Variants in ARHGAP45 observed in about 807,000 individuals in gnomAD.
The protein encoded by ARHGAP45 is rho GTPase-activating protein 45.
A neutral mutation model predicts 116.1 loss-of-function variants in ARHGAP45; 56 were observed. The ratio of observed to expected loss-of-function variants is 0.48; its 90% CI spans 0.39 to 0.60. The LOEUF (loss-of-function observed/expected upper bound fraction) is 0.60, where lower values mean the gene tolerates loss of function less well. Ranked by LOEUF, ARHGAP45 falls within the 20% of genes least tolerant of loss-of-function variation. The pLI, the probability that ARHGAP45 is intolerant of heterozygous loss-of-function variation, is 0.00. For missense variants in ARHGAP45, 1,622 were observed against 1,601.0 expected, an observed-to-expected ratio of 1.01 and a Z score of -0.22; for synonymous variants, 866 against 701.7, an observed-to-expected ratio of 1.23 and a Z score of -3.70.
In ARHGAP45 at chr19:1,080,786, G is replaced by C. The variant is rs756437781; in HGVS notation, c.2017G>C (p.Ala673Pro). Residue 673 changes from alanine to proline, a missense_variant and splice_region_variant, in exon 16 of 23, where the codon GCT (alanine) becomes CCT (proline). Coordinates refer to ENST00000313093, the MANE Select transcript of ARHGAP45 (RefSeq NM_012292.5). ...AGCCGGGGCTTCAGCCTTTGAGCAG[G>C]GTGAGGGTCCCCTGACGGGGCTGGA... Reference protein sequence around the residue: ...GGAGASAFEQADLNGMTPELP... With the variant: ...GGAGASAFEQPDLNGMTPELP... 3.1e-6 allele frequency: 5 copies of C among 1,613,276 alleles called. No homozygotes were observed. The South Asian group carries it at 4.4e-5, about 14-fold the overall frequency.
At position 1,079,913 on chromosome 19, in the gene ARHGAP45, C is replaced by G; in HGVS notation, c.1513-15C>G. ...GCCTCCTCCTGACCCCTCCGCTCTC[C>G]GGTGCCGCCCGCAGGCCACGATCTC... On this transcript the variant is annotated splice_polypyrimidine_tract_variant and intron_variant, in intron 12 of 22. Coordinates refer to ENST00000313093, the MANE Select transcript of ARHGAP45 (RefSeq NM_012292.5). 6.2e-7 allele frequency: 1 copy of G among 1,601,568 alleles called. No individual in the cohort carries two copies. The highest frequency in any genetic ancestry group is 8.5e-7 in the Non-Finnish European group (1 of 1,170,938).
Position 1,078,719 on chromosome 19 carries a change from AATT to A in ARHGAP45, c.1374+684_1374+686del, listed in dbSNP as rs1371984418. ...CCACCGCGCCCGGCCCCGATTTTTA[AATT>A]ATTATTATTTTTGAGACAGTGTCTT... On this transcript the variant is annotated intron_variant, in intron 11 of 22. Coordinates refer to ENST00000313093, the MANE Select transcript of ARHGAP45 (RefSeq NM_012292.5). Among the ~76,000 whole-genome samples the A allele has an allele frequency of 1.2e-4, 18 of 146,826 alleles. No homozygotes were observed. The East Asian group carries it at 3.4e-3, about 28-fold the overall frequency.
Position 1,074,422 on chromosome 19 carries a change from G to C in ARHGAP45, c.993+15G>C. On this transcript the variant is annotated intron_variant, in intron 8 of 22. Transcript: ENST00000313093. ...TCATGCAGGAGGTGGGGGCCCCGCGGGCACGGGGCGGGGGTCCCTGGGCCC... is the reference window on the plus strand; with the variant it reads ...TCATGCAGGAGGTGGGGGCCCCGCGCGCACGGGGCGGGGGTCCCTGGGCCC... 1 of 1,520,152 alleles carries C rather than the reference G, an allele frequency of 6.6e-7. No homozygotes were observed. The highest frequency in any genetic ancestry group is 8.8e-7 in the Non-Finnish European group (1 of 1,131,338). 94.2% of individuals were successfully genotyped at this position (1,520,152 alleles called of 1,614,324 possible).
At position 1,086,179 on chromosome 19, in the gene ARHGAP45, A is replaced by G; in HGVS notation, c.*173A>G. ...CCTCCTCCCAGAGGCTTCCAGGAGCACGAGGGCCTTGCGGCACAGGACTGT... is the reference window on the plus strand; with the variant it reads ...CCTCCTCCCAGAGGCTTCCAGGAGCGCGAGGGCCTTGCGGCACAGGACTGT... On this transcript the variant is annotated 3_prime_UTR_variant, in exon 23 of 23. Transcript: ENST00000313093. 1 of 616,576 alleles carries G rather than the reference A, an allele frequency of 1.6e-6. No homozygotes were observed. Among genetic ancestry groups the G allele is most frequent in the South Asian group, 1.9e-5 (1 of 51,658 alleles). 38.2% of individuals were successfully genotyped at this position (616,576 alleles called of 1,614,324 possible).
chr19:1,083,321 G>T lies in ARHGAP45; in HGVS notation c.2923G>T (p.Glu975Ter). Residue 975 changes from glutamate (E) to a stop codon, truncating the protein, a stop_gained, in exon 21 of 23, where the codon GAG becomes TAG. Coordinates refer to ENST00000313093, the MANE Select transcript of ARHGAP45 (RefSeq NM_012292.5). LOFTEE classifies it high-confidence loss of function. ...CATCGTCCACTACGGCCTGGTCTTC[G>T]AGGAGGAGCCGGAGGAGACCCCCGG... ...TLIVHYGLVFEEEPEETPGGQ... is the reference protein window; with the variant it reads ...TLIVHYGLVF 6.4e-7 allele frequency: 1 copy of T among 1,563,004 alleles called. No individual in the cohort carries two copies.
chr19:1,081,068 A>G lies in ARHGAP45; in HGVS notation c.2190+4A>G. 1 of 1,599,798 alleles carries G rather than the reference A, an allele frequency of 6.3e-7. No homozygotes were observed. Among genetic ancestry groups the G allele is most frequent in the Non-Finnish European group, 8.5e-7 (1 of 1,174,116 alleles). On this transcript the variant is annotated splice_donor_region_variant and intron_variant, in intron 17 of 22. Coordinates refer to ENST00000313093, the MANE Select transcript of ARHGAP45 (RefSeq NM_012292.5). ...CCAGGGTGCTGAGTGTGAAGAGGTG[A>G]GTGGGACGCCCCGACGGACAGCTGG...
In ARHGAP45 at chr19:1,085,874, G is replaced by T; in HGVS notation, c.3279G>T (p.Pro1093=). ...REDGDGDEDG[P]AQQLSGFNTN... is the part of the protein sequence containing the mutation. ...ACGGGGACGGGGACGAGGACGGCCCGGCCCAGCAGCTCTCAGGATTCAACA... is the reference window on the plus strand; with the variant it reads ...ACGGGGACGGGGACGAGGACGGCCCTGCCCAGCAGCTCTCAGGATTCAACA... Residue 1093 remains proline, a synonymous_variant, in exon 23 of 23, where the codon CCG becomes CCT. Transcript: ENST00000313093. 6.2e-7 allele frequency: 1 copy of T among 1,610,836 alleles called. No homozygotes were observed. The highest frequency in any genetic ancestry group is 8.5e-7 in the Non-Finnish European group (1 of 1,179,782).
Position 1,086,108 on chromosome 19 carries a change from G to A in ARHGAP45, c.*102G>A. On this transcript the variant is annotated 3_prime_UTR_variant, in exon 23 of 23. Transcript: ENST00000313093. ...GCATAGCTTAGGTGCGCCGTCCTGG[G>A]GTCGCTGCCGAGAGCGCCTGGACTT... 6 of 1,114,314 alleles carry A rather than the reference G, an allele frequency of 5.4e-6. No individual in the cohort carries two copies. The highest frequency in any genetic ancestry group is 5.1e-6 in the Non-Finnish European group (4 of 783,180). The allele number at this position is 1,114,314 out of a possible 1,614,324, so 69.0% of individuals were successfully genotyped here.
rs150488857 is a variant in ARHGAP45 at position 1,084,240 on chromosome 19, C to T, written c.2958C>T (p.Asp986=). Residue 986 remains aspartate (D), a splice_region_variant and synonymous_variant, in exon 22 of 23, where the codon GAC becomes GAT. Transcript: ENST00000313093. The part of the protein sequence containing the change: ...EEPEETPGGQ[D]ESSNQRAEVV... ...TGACTTCCGTTCTGCACTTGCAGGACGAGTCATCCAACCAGCGAGCTGAGG... is the reference window on the plus strand; with the variant it reads ...TGACTTCCGTTCTGCACTTGCAGGATGAGTCATCCAACCAGCGAGCTGAGG... 5.6e-6 allele frequency: 9 copies of T among 1,613,286 alleles called. No individual in the cohort carries two copies. The highest frequency in any genetic ancestry group is 5.3e-5 in the African/African-American group (4 of 74,878).
chr19:1,080,504 G>C lies in ARHGAP45; in HGVS notation c.1869G>C (p.Ser623=). ...AGGTTCACAAGTCATGGCCGCTCTC[G>C]ATCTCAGACTCGGACAGTGGGCTGG... ...GHQVHKSWPL[S]ISDSDSGLDP... Residue 623 remains serine (S), a synonymous_variant, in exon 15 of 23, where the codon TCG becomes TCC. Transcript: ENST00000313093. 6.2e-7 allele frequency: 1 copy of C among 1,612,950 alleles called. No individual in the cohort carries two copies.
chr19:1,072,492 C>A (rs907421869), intron 2 of ARHGAP45, among the ~76,000 whole-genome samples: 2 of 152,118 alleles, frequency 1.3e-5, no homozygotes, highest in African/African-American at 4.8e-5. Flanking sequence ...TGGGCTCAAC[C>A]CGTCCTCCTG....
intron 11 of ARHGAP45, among the ~76,000 whole-genome samples, chr19:1,079,349 C>T (rs932621389): frequency 1.3e-5 from 2 of 150,394 alleles, no homozygotes; most frequent in Non-Finnish European, 3.0e-5. Flanking sequence ...ACTAAAATTA[C>T]AAAAAATTAA....
Position 1,079,097 on chromosome 19 carries a change from A to G in ARHGAP45, c.1375-606A>G, listed in dbSNP as rs560533042. Among the ~76,000 whole-genome samples the G allele has an allele frequency of 1.3e-4, 20 of 151,230 alleles. No homozygotes were observed. The East Asian group carries it at 1.4e-3, about 11-fold the overall frequency. On this transcript the variant is annotated intron_variant, in intron 11 of 22. Coordinates refer to ENST00000313093, the MANE Select transcript of ARHGAP45 (RefSeq NM_012292.5). Reference sequence around the variant, plus strand: ...CGGGAGGCTGAGGCAGGAAAATGGCATGAACCCGGGAGGTGGAGCTTGCAG... The same window carrying G: ...CGGGAGGCTGAGGCAGGAAAATGGCGTGAACCCGGGAGGTGGAGCTTGCAG...
rs769870167 is a variant in ARHGAP45, at chr19:1,067,454, A to C, written c.49A>C (p.Lys17Gln). The C allele has an allele frequency of 1.9e-6, 3 of 1,604,418 alleles. No homozygotes were observed. The highest frequency in any genetic ancestry group is 1.3e-5 in the African/African-American group (1 of 74,550). The change falls in exon 1 of 23, where the codon AAA becomes CAA. Residue 17 changes from lysine (K) to glutamine (Q), a missense_variant. By Grantham distance (53) the Lys-to-Gln change is moderately conservative. Transcript: ENST00000313093. ...RELMKTPSIS[K>Q]KNRAGSPSPQ... ...GCTCATGAAAACCCCTTCCATCTCG[A>C]AAAAGAACCGCGCGGGAAGCCCCAG...
chr19:1,066,457 C>T (rs145933899), upstream of ARHGAP45: 1,626 of 463,598 alleles, frequency 3.5e-3, 12 homozygotes, highest in Middle Eastern at 0.012. Flanking sequence ...GGGACCTTAG[C>T]TAAGGGCAGG....
chr19:1,083,574 C>T (rs747774672), intron 21 of ARHGAP45, among the ~76,000 whole-genome samples: 1 of 152,194 alleles, frequency 6.6e-6, no homozygotes, highest in Non-Finnish European at 1.5e-5. Context: ...CTGCGGCCGC[C>T]CCTCCACTCT....
At chr19:1,084,848 G>A (rs908418420) in intron 22 of ARHGAP45, among the ~76,000 whole-genome samples, 2 of 152,160 alleles carry the variant, frequency 1.3e-5, no homozygotes, top group African/African-American at 4.8e-5. Flanking sequence ...CACTTTGGGA[G>A]GACAAGGCAG....
chr19:1,073,479 C>T (rs1421901943), intron 3 of ARHGAP45, 27 bp from the exon 4 acceptor site: 3 of 1,609,612 alleles, frequency 1.9e-6, no homozygotes, highest in Admixed American at 1.7e-5. Context: ...GTGGGCCCAC[C>T]TCCTTGTCCT....
At position 1,077,926 on chromosome 19, in the gene ARHGAP45, GCTCGCT is replaced by G; in HGVS notation, c.1256_1261del (p.Ala419_Phe421delinsVal). On this transcript the variant is annotated inframe_deletion, in exon 11 of 23. Coordinates refer to ENST00000313093, the MANE Select transcript of ARHGAP45 (RefSeq NM_012292.5). Reference sequence around the variant, plus strand: ...GCAGCGCTGCGAGGACCACGACAAGGCTCGCTTCCTCGTGGCCAAGGCGGAGGAGGA... The same window carrying G: ...GCAGCGCTGCGAGGACCACGACAAGGTCCTCGTGGCCAAGGCGGAGGAGGA... 6.4e-7 allele frequency: 1 copy of G among 1,553,806 alleles called. No homozygotes were observed. The highest frequency in any genetic ancestry group is 8.7e-7 in the Non-Finnish European group (1 of 1,148,228).
Sources: gnomAD v4.1 joint callset for allele counts (sites outside exome capture counted in the v4.1 genomes callset) on GRCh38, gnomAD v4.1.1 for gene constraint, MANE v1.5 for transcripts, NCBI Gene and HGNC (gene_info 2026-07-23, HGNC 2026-07-21) for gene names.